Variants in INSYN2A observed in about 807,000 individuals in gnomAD.
The protein encoded by INSYN2A is family with sequence similarity 196 member A.
A neutral mutation model predicts 39.4 loss-of-function variants in INSYN2A; 17 were observed. That is an observed-to-expected ratio of 0.43 (90% CI 0.30 to 0.65). The LOEUF (loss-of-function observed/expected upper bound fraction) is 0.65. Among genes scored for constraint, INSYN2A ranks in the 30% least tolerant of loss-of-function variants. INSYN2A has a pLI of 0.14. For missense variants in INSYN2A, 595 were observed against 631.2 expected, an observed-to-expected ratio of 0.94 and a Z score of 0.61; for synonymous variants, 255 against 265.7, an observed-to-expected ratio of 0.96 and a Z score of 0.39.
chr10:127,140,503 A>T (rs2051126713), intron 5 of INSYN2A, among the ~76,000 whole-genome samples: 1 of 152,154 alleles, frequency 6.6e-6, no homozygotes, highest in African/African-American at 2.4e-5. Context: ...TGCGTGTGGG[A>T]TGACGCCCGT....
At chr10:127,179,081 T>C (rs2055466422) in intron 2 of INSYN2A, among the ~76,000 whole-genome samples, 1 of 152,188 alleles carries the variant, frequency 6.6e-6, no homozygotes, top group Admixed American at 6.5e-5. Context: ...CAAAAAGCAA[T>C]TTACTAGTAA....
chr10:127,143,348 T>C (rs1156895556), intron 5 of INSYN2A, among the ~76,000 whole-genome samples: 1 of 152,202 alleles, frequency 6.6e-6, no homozygotes. Flanking sequence ...GGCCTCTGCC[T>C]TTAATTCTCT....
chr10:127,156,498 A>ATC (rs2053060720), intron 4 of INSYN2A, among the ~76,000 whole-genome samples: 1 of 150,086 alleles, frequency 6.7e-6, no homozygotes, highest in Non-Finnish European at 1.5e-5. Flanking sequence ...GCTTTTCTGA[A>ATC]TCTTTTCTTC....
intron 4 of INSYN2A, among the ~76,000 whole-genome samples, chr10:127,170,189 CTT>C (rs1211079635): frequency 6.6e-6 from 1 of 152,114 alleles, no homozygotes; most frequent in East Asian, 1.9e-4. Flanking sequence ...GTACTAGACT[CTT>C]TGGGTTGGTG....
chr10:127,156,972 G>A (rs1215671132), intron 4 of INSYN2A, among the ~76,000 whole-genome samples: 1 of 152,184 alleles, frequency 6.6e-6, no homozygotes, highest in East Asian at 1.9e-4. Flanking sequence ...TAGTTATTAA[G>A]TACATACTAA....
At chr10:127,152,109 T>C (rs1228651213) in intron 5 of INSYN2A, among the ~76,000 whole-genome samples, 1 of 152,198 alleles carries the variant, frequency 6.6e-6, no homozygotes, top group Non-Finnish European at 1.5e-5. Context: ...CTTGACTCAC[T>C]GTTGCTTGGT....
intron 4 of INSYN2A, among the ~76,000 whole-genome samples, chr10:127,173,925 A>G (rs1260340921): frequency 6.6e-6 from 1 of 152,196 alleles, no homozygotes; most frequent in Admixed American, 6.5e-5. Flanking sequence ...AAGAGCATCA[A>G]GCTGTAGACA....
intron 2 of INSYN2A, among the ~76,000 whole-genome samples, chr10:127,179,330 T>C (rs1188407131): frequency 6.6e-6 from 1 of 152,238 alleles, no homozygotes; most frequent in Non-Finnish European, 1.5e-5. Context: ...TTCTCTGTTT[T>C]ATAGAGGGTT....
intron 1 of INSYN2A, among the ~76,000 whole-genome samples, chr10:127,195,750 C>T (rs914330416): frequency 6.6e-6 from 1 of 152,178 alleles, no homozygotes; most frequent in African/African-American, 2.4e-5. Flanking sequence ...CCAGACGCCC[C>T]TCAGCGACCC....
intron 5 of INSYN2A, among the ~76,000 whole-genome samples, chr10:127,143,651 G>A (rs763930268): frequency 1.3e-5 from 2 of 152,176 alleles, no homozygotes; most frequent in African/African-American, 2.4e-5. Context: ...AACTTGGCCG[G>A]TTTTATGTGA....
At chr10:127,153,667 C>T (rs2052731718) in intron 5 of INSYN2A, among the ~76,000 whole-genome samples, 185 bp downstream of exon 5, 3 of 152,212 alleles carry the variant, frequency 2.0e-5, no homozygotes, top group Admixed American at 6.5e-5. Context: ...AGCTCTCCTA[C>T]ATCCCACGGT....
intron 5 of INSYN2A, among the ~76,000 whole-genome samples, 195 bp downstream of exon 5, chr10:127,153,657 A>C (rs1193993109): frequency 6.6e-6 from 1 of 152,208 alleles, no homozygotes; most frequent in East Asian, 1.9e-4. Context: ...AATGGGTTCA[A>C]GCTCTCCTAC....
At chr10:127,162,978 T>C (rs1453681479) in intron 4 of INSYN2A, among the ~76,000 whole-genome samples, 1 of 152,204 alleles carries the variant, frequency 6.6e-6, no homozygotes, top group Non-Finnish European at 1.5e-5. Context: ...ACTCCTTCCA[T>C]GGGACTGTTC....
chr10:127,154,482 T>C (rs2052838797), intron 4 of INSYN2A, among the ~76,000 whole-genome samples: 1 of 152,280 alleles, frequency 6.6e-6, no homozygotes, highest in Non-Finnish European at 1.5e-5. Context: ...TCAGTGTCCA[T>C]GAATAAAGTT....
rs1356843543 is a variant in INSYN2A at position 127,135,433 on chromosome 10, C to G, written c.*2404G>C. The G allele has an allele frequency of 1.3e-5, 2 of 152,580 alleles. No homozygotes were observed. The highest frequency in any genetic ancestry group is 2.9e-5 in the Non-Finnish European group (2 of 68,026). 9.5% of individuals were successfully genotyped at this position (152,580 alleles called of 1,614,324 possible). A position where few individuals can be genotyped will look rare whatever the true frequency, so the allele number is the denominator to read the frequency against. On this transcript the variant is annotated 3_prime_UTR_variant, in exon 6 of 6. Transcript: ENST00000522781. ...TAAGTTTAATAGCCACATAAAACAT[C>G]TTTGATTTTTTTATTTAAAAATTAA...
At chr10:127,190,928 G>A (rs183419204) in intron 2 of INSYN2A, among the ~76,000 whole-genome samples, 8 of 151,910 alleles carry the variant, frequency 5.3e-5, no homozygotes, top group South Asian at 2.1e-4. Flanking sequence ...TAGTTATACC[G>A]CCTTAATCTT....
chr10:127,174,592 C>T (rs1213406319), intron 4 of INSYN2A, among the ~76,000 whole-genome samples: 1 of 152,130 alleles, frequency 6.6e-6, no homozygotes, highest in Non-Finnish European at 1.5e-5. Flanking sequence ...TAGGGCAGCC[C>T]GTGGGGAAGG....
Position 127,175,876 on chromosome 10 carries a change from C to G in INSYN2A, c.520G>C (p.Val174Leu), listed in dbSNP as rs1229326253. ...AGRVHKTTAL[V>L]FHSNQHMNTV... The stretch of plus-strand genomic sequence containing the variant: ...TTCATGTGTTGGTTGGAATGGAAAA[C>G]CAAGGCTGTGGTCTTGTGCACCCGC... The change falls in exon 4 of 6, where the codon GTT becomes CTT. Residue 174 changes from valine (V) to leucine (L), a missense_variant. By Grantham distance (32) the Val-to-Leu change is conservative. Transcript: ENST00000522781. The surrounding 1 kb of genome is among the most constrained non-coding windows in gnomAD (Gnocchi z 6.3). 9 of 1,614,062 alleles carry G rather than the reference C, an allele frequency of 5.6e-6. No individual in the cohort carries two copies. Among genetic ancestry groups the G allele is most frequent in the Non-Finnish European group, 7.6e-6 (9 of 1,180,030 alleles).
At chr10:127,152,194 C>T (rs1018426193) in intron 5 of INSYN2A, among the ~76,000 whole-genome samples, 2 of 152,174 alleles carry the variant, frequency 1.3e-5, no homozygotes, top group Non-Finnish European at 2.9e-5. Context: ...AGGTCATCTA[C>T]ACTCTGCACT....
Sources: allele counts gnomAD v4.1 joint callset (sites outside exome capture counted in the v4.1 genomes callset), GRCh38; gene constraint gnomAD v4.1.1; non-coding constraint Gnocchi (gnomAD v3.1); transcripts MANE v1.5; gene names NCBI Gene and HGNC (gene_info 2026-07-23, HGNC 2026-07-21).